The following SH3PXD2B variants were observed in gnomAD, a reference collection of about 807,000 sequenced individuals.
SH3PXD2B encodes SH3 and PX domains 2B.
Under a neutral mutation model 73.1 loss-of-function variants are expected in SH3PXD2B, and 37 were observed. The ratio of observed to expected loss-of-function variants is 0.51; its 90% CI spans 0.39 to 0.67. SH3PXD2B has a LOEUF of 0.67. SH3PXD2B is among the 30% of genes least tolerant of loss of function. The pLI is 0.00. For synonymous variants in SH3PXD2B, 457 were observed against 480.5 expected (o/e 0.95, Z 0.64); for missense variants, 1,053 against 1,197.8 (o/e 0.88, Z 1.78).
At position 172,379,740 on chromosome 5, in the gene SH3PXD2B, C is replaced by A. The variant is rs144551236; in HGVS notation, c.401+2296G>T. Among the ~76,000 whole-genome samples, 1,227 of 152,304 alleles carry A rather than the reference C, an allele frequency of 8.1e-3. 18 individuals carry two copies. The highest frequency in any genetic ancestry group is 0.028 in the African/African-American group (1,161 of 41,556). ...TCACTCAGTCCTCAACATTACCCTA[C>A]AAAGTACAGCTACTCCCATTTCACA... On this transcript the variant is annotated intron_variant, in intron 5 of 12. Coordinates refer to ENST00000311601, the MANE Select transcript of SH3PXD2B (RefSeq NM_001017995.3).
chr5:172,428,294 G>C (rs4868169), intron 1 of SH3PXD2B, among the ~76,000 whole-genome samples: 63,309 of 152,014 alleles, frequency 0.42, 14,294 homozygotes, highest in East Asian at 0.67. Flanking sequence ...GACACTTCAT[G>C]CAAGAGGACA....
intron 12 of SH3PXD2B, among the ~76,000 whole-genome samples, chr5:172,326,857 A>ATTTTTTTT (rs1175095358): frequency 1.5e-5 from 2 of 135,620 alleles, no homozygotes; most frequent in African/African-American, 5.4e-5. Flanking sequence ...ATGTCTCAAG[A>ATTTTTTTT]TTTTTTTTTT....
At chr5:172,383,846 T>G (rs1758000223) in intron 4 of SH3PXD2B, among the ~76,000 whole-genome samples, 1 of 149,256 alleles carries the variant, frequency 6.7e-6, no homozygotes, top group Non-Finnish European at 1.5e-5. Context: ...TTTCCTTTCT[T>G]TCTTTCTTTT....
chr5:172,420,798 CT>C lies in SH3PXD2B; in HGVS notation c.156+1617del, dbSNP rs1758947555. On this transcript the variant is annotated intron_variant, in intron 2 of 12. Coordinates refer to ENST00000311601, the MANE Select transcript of SH3PXD2B (RefSeq NM_001017995.3). ...GGATTTCTGACAAGTGACTTTTACC[CT>C]TTCCTGCTGGGTGTGAGCCCAGAGC... 4.6e-5 allele frequency among the ~76,000 whole-genome samples: 7 copies of C among 152,270 alleles called. No individual in the cohort carries two copies. The South Asian group carries it at 1.5e-3, about 32-fold the overall frequency.
At chr5:172,388,950 T>G (rs1758113338) in intron 4 of SH3PXD2B, among the ~76,000 whole-genome samples, 1 of 152,234 alleles carries the variant, frequency 6.6e-6, no homozygotes. Context: ...CCCTTAGCCC[T>G]GGCCCTTCCT....
Position 172,338,908 on chromosome 5 carries a change from C to T in SH3PXD2B, c.2197G>A (p.Ala733Thr). 1.2e-6 allele frequency: 2 copies of T among 1,614,008 alleles called. No homozygotes were observed. ...EISCRAPPRPAKTTDPVSKSV... is the reference protein window; with the variant it reads ...EISCRAPPRPTKTTDPVSKSV... ...TTAGACACAGGATCTGTGGTCTTGG[C>T]TGGCCTCGGAGGGGCTCTGCAGGAA... Residue 733 changes from alanine to threonine, a missense_variant, in exon 13 of 13, where the codon GCC (alanine) becomes ACC (threonine). This residue lies in a region of SH3PXD2B where 587 missense variants were observed against 590.7 expected (regional missense o/e 0.99). Coordinates refer to ENST00000311601, the MANE Select transcript of SH3PXD2B (RefSeq NM_001017995.3). The surrounding 1 kb of genome is among the most constrained non-coding windows in gnomAD (Gnocchi z 5.1).
In SH3PXD2B at chr5:172,362,751, G is replaced by A; in HGVS notation, c.546C>T (p.Ile182=). The change falls in exon 7 of 13, where the codon ATC becomes ATT. Residue 182 remains isoleucine (I), a synonymous_variant. Transcript: ENST00000311601. Reference sequence around the variant, plus strand: ...GGTCCCCACCTGACTCATTCTTCTCGATGATGTCCACCACCTGCCCCACGC... The same window carrying A: ...GGTCCCCACCTGACTCATTCTTCTCAATGATGTCCACCACCTGCCCCACGC... ...SLSVGQVVDI[I]EKNESGWWFV... is the part of the protein sequence containing the mutation. 3 of 1,614,102 alleles carry A rather than the reference G, an allele frequency of 1.9e-6. No homozygotes were observed. The highest frequency in any genetic ancestry group is 2.2e-5 in the East Asian group (1 of 44,874).
chr5:172,453,999 G>C (rs1012411812), intron 1 of SH3PXD2B, among the ~76,000 whole-genome samples: 7 of 151,724 alleles, frequency 4.6e-5, no homozygotes, highest in African/African-American at 1.7e-4. Flanking sequence ...GGGGGACACG[G>C]AGAAGACAGA....
downstream of SH3PXD2B, among the ~76,000 whole-genome samples, chr5:172,329,540 CTT>C (rs370876232): frequency 9.4e-5 from 10 of 106,434 alleles, no homozygotes; most frequent in Middle Eastern, 5.5e-3. Context: ...CTTTGTTATT[CTT>C]TTTTTTTTTT....
chr5:172,448,619 G>A (rs867698970), intron 1 of SH3PXD2B, among the ~76,000 whole-genome samples: 14 of 152,328 alleles, frequency 9.2e-5, no homozygotes, highest in Admixed American at 2.0e-4. Flanking sequence ...CGGTGGGTTG[G>A]AAAGACATGT....
chr5:172,416,067 C>T (rs1725045450), intron 2 of SH3PXD2B, among the ~76,000 whole-genome samples: 1 of 152,178 alleles, frequency 6.6e-6, no homozygotes, highest in Admixed American at 6.5e-5. Flanking sequence ...GTGGCTCAGG[C>T]CTGTAATCCC....
rs763182967 is a variant in SH3PXD2B, at chr5:172,445,414, TC to T, written c.75+8863del. Among the ~76,000 whole-genome samples, 1 of 151,968 alleles carries T rather than the reference TC, an allele frequency of 6.6e-6. No homozygotes were observed. Among genetic ancestry groups the T allele is most frequent in the Non-Finnish European group, 1.5e-5 (1 of 67,988 alleles). ...TAGTAGAGATGAGGTCTCACTATGT[TC>T]CCCAGGCTGGTATTGAACTCCTGGG... is the stretch of plus-strand genomic sequence containing the variant. On this transcript the variant is annotated intron_variant, in intron 1 of 12. Coordinates refer to ENST00000311601, the MANE Select transcript of SH3PXD2B (RefSeq NM_001017995.3). The surrounding 1 kb of genome is among the most constrained non-coding windows in gnomAD (Gnocchi z 5.2).
chr5:172,333,999 T>A lies in SH3PXD2B; in HGVS notation c.*4370A>T. ...TGTAAGCCTGGTGGGGGCACCTTCT[T>A]TTTTACATGAATAGGACATCTAAAA... On this transcript the variant is annotated 3_prime_UTR_variant, in exon 13 of 13. Transcript: ENST00000311601. The A allele has an allele frequency of 8.4e-7, 1 of 1,193,686 alleles. No homozygotes were observed. Among genetic ancestry groups the A allele is most frequent in the South Asian group, 1.6e-5 (1 of 63,230 alleles). The allele number at this position is 1,193,686 out of a possible 1,614,324, so 73.9% of individuals were successfully genotyped here. A position where few individuals can be genotyped will look rare whatever the true frequency, so the allele number is the denominator to read the frequency against.
chr5:172,434,368 C>A (rs1759319429), intron 1 of SH3PXD2B, among the ~76,000 whole-genome samples: 3 of 152,188 alleles, frequency 2.0e-5, no homozygotes, highest in Non-Finnish European at 4.4e-5. Flanking sequence ...CCCGGCACCC[C>A]TGGGTTAGCT....
In SH3PXD2B at chr5:172,358,849, C is replaced by T. The variant is rs1426819912; in HGVS notation, c.591G>A (p.Glu197=). 1 of 1,613,960 alleles carries T rather than the reference C, an allele frequency of 6.2e-7. No individual in the cohort carries two copies. Among genetic ancestry groups the T allele is most frequent in the East Asian group, 2.2e-5 (1 of 44,888 alleles). The part of the protein sequence containing the change: ...SGWWFVSTAE[E]QGWVPATCLE... The stretch of plus-strand genomic sequence containing the variant: ...GGCACGTTGCAGGGACCCAGCCTTG[C>T]TCCTCGGCAGTGCTGACGAACCACC... The change falls in exon 8 of 13, where the codon GAG becomes GAA. Residue 197 remains glutamate (E), a synonymous_variant. Transcript: ENST00000311601.
intron 1 of SH3PXD2B, among the ~76,000 whole-genome samples, chr5:172,424,881 C>T (rs1176809307): frequency 6.6e-6 from 1 of 152,138 alleles, no homozygotes; most frequent in Admixed American, 6.5e-5. Context: ...TTCATGAAAC[C>T]TCAGCACCTT....
At position 172,421,678 on chromosome 5, in the gene SH3PXD2B, C is replaced by T. The variant is rs962251147; in HGVS notation, c.156+738G>A. Among the ~76,000 whole-genome samples the T allele has an allele frequency of 1.3e-5, 2 of 152,026 alleles. No individual in the cohort carries two copies. The highest frequency in any genetic ancestry group is 2.4e-5 in the African/African-American group (1 of 41,386). ...GGGGTTACTGGAGCCATGAGTGAGC[C>T]GGGAAGGCACAGGAGTGTGTGGGGA... On this transcript the variant is annotated intron_variant, in intron 2 of 12. Transcript: ENST00000311601. The surrounding 1 kb of genome is among the most constrained non-coding windows in gnomAD (Gnocchi z 4.0).
At position 172,336,762 on chromosome 5, in the gene SH3PXD2B, T is replaced by C. The variant is rs537907753; in HGVS notation, c.*1607A>G. 567 of 985,738 alleles carry C rather than the reference T, an allele frequency of 5.8e-4. No individual in the cohort carries two copies. Among genetic ancestry groups the C allele is most frequent in the Non-Finnish European group, 6.5e-4 (540 of 830,204 alleles). 61.1% of individuals were successfully genotyped at this position (985,738 alleles called of 1,614,324 possible). On this transcript the variant is annotated 3_prime_UTR_variant, in exon 13 of 13. Transcript: ENST00000311601. The stretch of plus-strand genomic sequence containing the variant: ...GGTAGAATGGGAAGGGGTTCTGCTC[T>C]GCTCTCTTACTCTGGGCTGGGAGCT...
In SH3PXD2B at chr5:172,338,950, G is replaced by A. The variant is rs1164820181; in HGVS notation, c.2155C>T (p.Leu719Phe). Residue 719 changes from leucine to phenylalanine, a missense_variant, in exon 13 of 13, where the codon CTC (leucine) becomes TTC (phenylalanine). Physicochemically the swap from Leu to Phe is conservative, Grantham distance 22 (BLOSUM62 0). Coordinates refer to ENST00000311601, the MANE Select transcript of SH3PXD2B (RefSeq NM_001017995.3). The surrounding 1 kb of genome is among the most constrained non-coding windows in gnomAD (Gnocchi z 5.1). The stretch of plus-strand genomic sequence containing the variant: ...CTGCAGGAAATCTCTTTTGGGCTGA[G>A]ACCATCCTGTTTGCCCGTCCTGTCC... ...AQDRTGKQDG[L>F]SPKEISCRAP... 2 of 1,614,074 alleles carry A rather than the reference G, an allele frequency of 1.2e-6. No homozygotes were observed. Among genetic ancestry groups the A allele is most frequent in the Non-Finnish European group, 1.7e-6 (2 of 1,180,018 alleles).
Sources: allele counts gnomAD v4.1 joint callset (sites outside exome capture counted in the v4.1 genomes callset), GRCh38; gene constraint gnomAD v4.1.1; regional missense constraint gnomAD v4.1.1; non-coding constraint Gnocchi (gnomAD v3.1); transcripts MANE v1.5; gene names NCBI Gene and HGNC (gene_info 2026-07-23, HGNC 2026-07-21).